AGBL4: variants seen among roughly 807,000 people sequenced by gnomAD.
The protein encoded by AGBL4 is AGBL carboxypeptidase 4.
AGBL4 carries 58 observed loss-of-function variants against 66.4 expected under a neutral mutation model. The observed-to-expected ratio is 0.87, with a 90% CI of 0.71 to 1.09. AGBL4 has a LOEUF of 1.09. AGBL4 is among the 50% of genes least tolerant of loss of function. AGBL4 has a pLI of 0.00. For missense variants in AGBL4, 579 were observed against 631.0 expected (o/e 0.92, Z 0.88); for synonymous variants, 234 against 222.9 (o/e 1.05, Z -0.44).
intron 2 of AGBL4, among the ~76,000 whole-genome samples, chr1:49,792,923 AT>A (rs1644637356): frequency 6.6e-6 from 1 of 152,036 alleles, no homozygotes; most frequent in Non-Finnish European, 1.5e-5. Context: ...CAAATTTCTT[AT>A]TTGTTTAATG....
chr1:49,031,916 T>C (rs577312157), intron 5 of AGBL4, among the ~76,000 whole-genome samples: 11 of 152,108 alleles, frequency 7.2e-5, no homozygotes, highest in African/African-American at 2.7e-4. Flanking sequence ...TAGAATATAT[T>C]ACAGAAGTAC....
At chr1:49,149,932 T>G (rs1646294999) in intron 4 of AGBL4, among the ~76,000 whole-genome samples, 1 of 152,314 alleles carries the variant, frequency 6.6e-6, no homozygotes, top group East Asian at 1.9e-4. Context: ...ATACTTCACA[T>G]GCACTCATTG....
intron 3 of AGBL4, among the ~76,000 whole-genome samples, chr1:49,341,481 C>T (rs1645537966): frequency 6.6e-6 from 1 of 152,162 alleles, no homozygotes; most frequent in Non-Finnish European, 1.5e-5. Context: ...ACTTGGGTTA[C>T]AGTTAGGAAG....
intron 6 of AGBL4, among the ~76,000 whole-genome samples, chr1:48,672,761 T>C (rs565369912): frequency 2.0e-5 from 3 of 152,338 alleles, no homozygotes; most frequent in African/African-American, 7.2e-5. Context: ...TGGAAATACA[T>C]GACAATTGTC....
intron 2 of AGBL4, among the ~76,000 whole-genome samples, chr1:49,715,937 C>T (rs528797433): frequency 6.6e-6 from 1 of 152,100 alleles, no homozygotes; most frequent in Admixed American, 6.6e-5. Flanking sequence ...TTTTGCTGTG[C>T]AGAAGCTCTT....
At chr1:49,930,796 A>C (rs1342476839) in intron 1 of AGBL4, among the ~76,000 whole-genome samples, 1 of 152,174 alleles carries the variant, frequency 6.6e-6, no homozygotes, top group Non-Finnish European at 1.5e-5. Flanking sequence ...ATACAGTAAT[A>C]TCGTACTTAA....
chr1:49,528,746 T>A (rs754289072), intron 3 of AGBL4, among the ~76,000 whole-genome samples: 10 of 151,972 alleles, frequency 6.6e-5, no homozygotes, highest in Non-Finnish European at 1.0e-4. Flanking sequence ...GAAAAATTTT[T>A]AAAAAAATTA....
intron 6 of AGBL4, among the ~76,000 whole-genome samples, chr1:48,722,449 A>G (rs928987853): frequency 1.3e-5 from 2 of 152,104 alleles, no homozygotes; most frequent in Non-Finnish European, 2.9e-5. Flanking sequence ...GTGGCAGGTC[A>G]GTATGACTAC....
At chr1:48,901,599 T>A (rs2148869462) in intron 5 of AGBL4, among the ~76,000 whole-genome samples, 1 of 152,262 alleles carries the variant, frequency 6.6e-6, no homozygotes, top group South Asian at 2.1e-4. Flanking sequence ...TTATTCTGAG[T>A]AAAAGAAGCC....
At chr1:48,902,189 A>C (rs1652146094) in intron 5 of AGBL4, among the ~76,000 whole-genome samples, 1 of 152,226 alleles carries the variant, frequency 6.6e-6, no homozygotes, top group African/African-American at 2.4e-5. Flanking sequence ...CATATCAGAT[A>C]GTTTCTTCAG....
At chr1:49,552,668 C>G (rs1415215274) in intron 3 of AGBL4, among the ~76,000 whole-genome samples, 1 of 152,152 alleles carries the variant, frequency 6.6e-6, no homozygotes, top group East Asian at 1.9e-4. Context: ...CTTCTGGGTC[C>G]TGGAGTAGCA....
intron 1 of AGBL4, among the ~76,000 whole-genome samples, chr1:49,890,497 T>G (rs1164801723): frequency 6.6e-6 from 1 of 152,166 alleles, no homozygotes; most frequent in South Asian, 2.1e-4. Context: ...CTCTATGGAA[T>G]TTATATTCTG....
At chr1:49,592,447 G>A (rs1317065667) in intron 3 of AGBL4, among the ~76,000 whole-genome samples, 2 of 152,142 alleles carry the variant, frequency 1.3e-5, no homozygotes, top group African/African-American at 2.4e-5. Context: ...GCAGGCACCT[G>A]TAATCCTAGC....
chr1:49,588,555 A>T (rs17379068), intron 3 of AGBL4, among the ~76,000 whole-genome samples: 4,632 of 152,276 alleles, frequency 0.03, 94 homozygotes, highest in Non-Finnish European at 0.047. Flanking sequence ...CTTCAAAGTT[A>T]CTGTCTAGCT....
At chr1:49,892,101 C>T (rs909718900) in intron 1 of AGBL4, among the ~76,000 whole-genome samples, 1 of 152,184 alleles carries the variant, frequency 6.6e-6, no homozygotes, top group East Asian at 1.9e-4. Flanking sequence ...AAGATAGCAA[C>T]AAATGCCAAC....
chr1:49,711,464 A>G (rs1324706024), intron 2 of AGBL4, among the ~76,000 whole-genome samples: 4 of 152,112 alleles, frequency 2.6e-5, no homozygotes, highest in Admixed American at 6.6e-5. Flanking sequence ...ATTATGTCAA[A>G]ATAAAAAGGT....
At chr1:49,249,094 G>A (rs564632918) in intron 3 of AGBL4, among the ~76,000 whole-genome samples, 6 of 152,286 alleles carry the variant, frequency 3.9e-5, no homozygotes, top group East Asian at 3.9e-4. Context: ...TAAAGGTATC[G>A]TGAACAGCCT....
intron 2 of AGBL4, among the ~76,000 whole-genome samples, chr1:49,732,565 CA>C (rs1408704933): frequency 6.6e-6 from 1 of 151,784 alleles, no homozygotes; most frequent in Non-Finnish European, 1.5e-5. Flanking sequence ...TAGAGAGTCC[CA>C]AAAAGGATAC....
intron 2 of AGBL4, chr1:49,845,711 C>T: frequency 6.3e-7 from 1 of 1,595,846 alleles, no homozygotes; most frequent in Non-Finnish European, 8.6e-7. Context: ...ACATTCCTGA[C>T]TGAGCATCAG....
Sources: allele counts gnomAD v4.1 joint callset (sites outside exome capture counted in the v4.1 genomes callset), GRCh38; gene constraint gnomAD v4.1.1; transcripts MANE v1.5; gene names NCBI Gene and HGNC (gene_info 2026-07-23, HGNC 2026-07-21).